SLIT2: variants seen among roughly 807,000 people sequenced by gnomAD.
SLIT2 encodes slit homolog 2 protein.
Under a neutral mutation model 185.7 loss-of-function variants are expected in SLIT2, and 41 were observed. The observed-to-expected ratio is 0.22, with a 90% CI of 0.17 to 0.29. The LOEUF (loss-of-function observed/expected upper bound fraction) is 0.29. SLIT2 is among the 10% of genes least tolerant of loss of function. SLIT2 has a pLI of 1.00. For synonymous variants in SLIT2, 693 were observed against 680.2 expected (o/e 1.02, Z -0.29); for missense variants, 1,571 against 1,909.0 (o/e 0.82, Z 3.30).
At chr4:20,261,671 A>AT (rs1473240212) in intron 3 of SLIT2, among the ~76,000 whole-genome samples, 2 of 151,834 alleles carry the variant, frequency 1.3e-5, no homozygotes, top group Admixed American at 6.6e-5. Flanking sequence ...AGTTTTTGAA[A>AT]TTTTTTAGGG....
chr4:20,266,801 C>A (rs762337328), intron 3 of SLIT2, among the ~76,000 whole-genome samples: 3 of 151,900 alleles, frequency 2.0e-5, no homozygotes, highest in African/African-American at 4.8e-5. Flanking sequence ...GCTGTGGGGA[C>A]ACAGCCAAGA....
chr4:20,292,312 CGTG>C (rs1234034862), intron 4 of SLIT2, among the ~76,000 whole-genome samples: 1 of 152,134 alleles, frequency 6.6e-6, no homozygotes, highest in African/African-American at 2.4e-5. Flanking sequence ...ATTTACTCAA[CGTG>C]TGACTATTTA....
intron 4 of SLIT2, among the ~76,000 whole-genome samples, chr4:20,280,394 T>A (rs1235579077): frequency 1.3e-5 from 2 of 151,522 alleles, no homozygotes; most frequent in Admixed American, 1.3e-4. Flanking sequence ...ACTAGTTACA[T>A]TCCTAGCTCT....
At chr4:20,417,446 ATATATATATATACGTATATATATG>A (rs964946495) in intron 4 of SLIT2, among the ~76,000 whole-genome samples, 1 of 145,182 alleles carries the variant, frequency 6.9e-6, no homozygotes, top group African/African-American at 2.5e-5. Context: ...GTATATATAT[ATATATATATATACGTATATATATG>A]TGTGTGTACA....
At chr4:20,281,673 A>G (rs1278029736) in intron 4 of SLIT2, among the ~76,000 whole-genome samples, 2 of 152,184 alleles carry the variant, frequency 1.3e-5, no homozygotes, top group Non-Finnish European at 2.9e-5. Flanking sequence ...TTCTTCTTTT[A>G]TTACACAGGA....
chr4:20,429,745 G>A (rs1728826685), intron 4 of SLIT2, among the ~76,000 whole-genome samples: 1 of 152,134 alleles, frequency 6.6e-6, no homozygotes, highest in African/African-American at 2.4e-5. Flanking sequence ...GAGAAATCAG[G>A]AAATGGAAAA....
At chr4:20,261,137 TG>T (rs1712426835) in intron 3 of SLIT2, among the ~76,000 whole-genome samples, 1 of 151,876 alleles carries the variant, frequency 6.6e-6, no homozygotes, top group South Asian at 2.1e-4. Context: ...TAGGATGCTC[TG>T]TATTGCTAGT....
intron 5 of SLIT2, among the ~76,000 whole-genome samples, chr4:20,476,444 A>G (rs892219976): frequency 6.6e-6 from 1 of 152,188 alleles, no homozygotes. Context: ...TAATACGAAC[A>G]TAAAGTAAAC....
At chr4:20,318,740 G>T (rs1317361707) in intron 4 of SLIT2, among the ~76,000 whole-genome samples, 1 of 152,058 alleles carries the variant, frequency 6.6e-6, no homozygotes, top group Non-Finnish European at 1.5e-5. Context: ...ACAGAGCTTT[G>T]CTCAGTAACT....
intron 4 of SLIT2, among the ~76,000 whole-genome samples, chr4:20,388,723 G>A (rs1299907125): frequency 4.0e-5 from 6 of 149,800 alleles, no homozygotes; most frequent in Non-Finnish European, 8.9e-5. Context: ...GCACTGAGTG[G>A]AGATCATGCT....
chr4:20,387,517 A>T (rs1231264682), intron 4 of SLIT2, among the ~76,000 whole-genome samples: 1 of 152,154 alleles, frequency 6.6e-6, no homozygotes, highest in Non-Finnish European at 1.5e-5. Flanking sequence ...ATCTTGAAAT[A>T]TCTCAGTGTC....
intron 4 of SLIT2, among the ~76,000 whole-genome samples, chr4:20,276,248 C>T (rs1158837188): frequency 3.3e-5 from 5 of 152,036 alleles, no homozygotes; most frequent in African/African-American, 1.2e-4. Context: ...TCCACAATTC[C>T]AGTACTTCTC....
chr4:20,397,627 A>T (rs1198953488), intron 4 of SLIT2, among the ~76,000 whole-genome samples: 1 of 151,862 alleles, frequency 6.6e-6, no homozygotes, highest in Non-Finnish European at 1.5e-5. Flanking sequence ...TCAGGTGTAT[A>T]TACCTGTTTT....
intron 5 of SLIT2, among the ~76,000 whole-genome samples, chr4:20,472,317 T>TATATATAG (rs1560453134): frequency 5.9e-4 from 19 of 32,034 alleles, no homozygotes; most frequent in East Asian, 1.1e-3. Context: ...TATATATAGA[T>TATATATAG]ATATATATCT....
At chr4:20,582,432 T>C (rs1350783506) in intron 29 of SLIT2, among the ~76,000 whole-genome samples, 1 of 152,166 alleles carries the variant, frequency 6.6e-6, no homozygotes, top group African/African-American at 2.4e-5. Flanking sequence ...CTGCGGGTGA[T>C]ACGTTCCAAG....
intron 3 of SLIT2, among the ~76,000 whole-genome samples, chr4:20,261,639 T>A (rs1334856974): frequency 6.6e-6 from 1 of 151,876 alleles, no homozygotes; most frequent in Non-Finnish European, 1.5e-5. Flanking sequence ...TCCTTGATAA[T>A]ACAAATGCAA....
chr4:20,271,277 A>T (rs1022642700), intron 4 of SLIT2, among the ~76,000 whole-genome samples: 1 of 151,220 alleles, frequency 6.6e-6, no homozygotes, highest in African/African-American at 2.4e-5. Context: ...GGGAAAAATG[A>T]TAGGACAAGG....
At chr4:20,594,175 A>G (rs948797000) in intron 30 of SLIT2, among the ~76,000 whole-genome samples, 4 of 149,752 alleles carry the variant, frequency 2.7e-5, no homozygotes, top group Admixed American at 2.0e-4. Flanking sequence ...GTATATATGT[A>G]TGTACATGTG....
intron 11 of SLIT2, 65 bp from the exon 12 acceptor site, chr4:20,519,317 G>T: frequency 1.2e-6 from 1 of 801,590 alleles, no homozygotes; most frequent in Non-Finnish European, 2.2e-6. Context: ...GAGTAAATAT[G>T]TATTAGATGA....
Sources: allele counts gnomAD v4.1 joint callset (sites outside exome capture counted in the v4.1 genomes callset), GRCh38; gene constraint gnomAD v4.1.1; transcripts MANE v1.5; gene names NCBI Gene and HGNC (gene_info 2026-07-23, HGNC 2026-07-21).